Variants in DIAPH3 observed in about 807,000 individuals in gnomAD.
The protein encoded by DIAPH3 is diaphanous related formin 3.
Under a neutral mutation model 144.3 loss-of-function variants are expected in DIAPH3, and 117 were observed. That is an observed-to-expected ratio of 0.81 (90% CI 0.70 to 0.95). The LOEUF (loss-of-function observed/expected upper bound fraction) is 0.95. Ranked by LOEUF, DIAPH3 falls within the 40% of genes least tolerant of loss-of-function variation. DIAPH3 has a pLI of 0.00. For synonymous variants in DIAPH3, 519 were observed against 488.9 expected (o/e 1.06, Z -0.81); for missense variants, 1,421 against 1,412.7 (o/e 1.01, Z -0.09).
chr13:60,136,334 A>G (rs941244043), intron 1 of DIAPH3, among the ~76,000 whole-genome samples: 4 of 152,234 alleles, frequency 2.6e-5, no homozygotes, highest in Non-Finnish European at 4.4e-5. Context: ...GCAAACATCA[A>G]TCCAGTTCAT....
At chr13:60,053,519 T>C (rs992186173) in intron 4 of DIAPH3, among the ~76,000 whole-genome samples, 4 of 152,240 alleles carry the variant, frequency 2.6e-5, no homozygotes, top group Admixed American at 1.3e-4. Context: ...AAAAGTAATA[T>C]ACCCTTTCCC....
At chr13:59,866,778 C>A (rs1440872613) in intron 21 of DIAPH3, among the ~76,000 whole-genome samples, 1 of 151,906 alleles carries the variant, frequency 6.6e-6, no homozygotes, top group East Asian at 1.9e-4. Context: ...AAATCTTTTG[C>A]AGAATAAAGT....
In DIAPH3 at chr13:60,010,606, G is replaced by T. The variant is rs767644682; in HGVS notation, c.835C>A (p.Pro279Thr). 5.0e-6 allele frequency: 8 copies of T among 1,613,544 alleles called. No individual in the cohort carries two copies. The highest frequency in any genetic ancestry group is 6.8e-6 in the Non-Finnish European group (8 of 1,179,788). The change falls in exon 8 of 28, where the codon CCC (proline) becomes ACC (threonine). Residue 279 changes from proline (P) to threonine (T), a missense_variant. Transcript: ENST00000400324. Reference sequence around the variant, plus strand: ...TCTGTCATCATATTGGGGTGTCTGGGATCCACGGCTTTGGCCAATAAGGAA... The same window carrying T: ...TCTGTCATCATATTGGGGTGTCTGGTATCCACGGCTTTGGCCAATAAGGAA... ...SLSLLAKAVD[P>T]RHPNMMTDVV...
At chr13:60,038,459 C>T (rs937398021) in intron 5 of DIAPH3, among the ~76,000 whole-genome samples, 1 of 151,990 alleles carries the variant, frequency 6.6e-6, no homozygotes, top group Non-Finnish European at 1.5e-5. Context: ...CAAGATGTTC[C>T]ACCTGCTTTG....
intron 21 of DIAPH3, among the ~76,000 whole-genome samples, chr13:59,871,867 T>C (rs115130529): frequency 6.6e-6 from 1 of 152,194 alleles, no homozygotes; most frequent in Non-Finnish European, 1.5e-5. Context: ...TTATCACATT[T>C]GTAGGCTTGG....
intron 25 of DIAPH3, among the ~76,000 whole-genome samples, chr13:59,803,123 C>T (rs189827514): frequency 1.6e-3 from 251 of 152,232 alleles, no homozygotes; most frequent in African/African-American, 5.8e-3. Flanking sequence ...AGATGCAATG[C>T]TGTGATTGAG....
intron 2 of DIAPH3, among the ~76,000 whole-genome samples, chr13:60,118,807 A>G (rs190460878): frequency 3.9e-5 from 6 of 152,312 alleles, no homozygotes; most frequent in Admixed American, 1.3e-4. Context: ...AACAGGAAAT[A>G]AAAGTACTAT....
intron 25 of DIAPH3, among the ~76,000 whole-genome samples, chr13:59,793,514 TTTGA>T (rs1315836482): frequency 6.6e-6 from 1 of 152,186 alleles, no homozygotes; most frequent in Non-Finnish European, 1.5e-5. Context: ...TTTAGCAGTA[TTTGA>T]TTGTGTTGAC....
chr13:59,887,723 T>G (rs1352490620), intron 20 of DIAPH3, among the ~76,000 whole-genome samples: 1 of 152,152 alleles, frequency 6.6e-6, no homozygotes, highest in South Asian at 2.1e-4. Context: ...ACAAGTTGGA[T>G]GATAGAAGTA....
chr13:59,756,452 G>GGAAGGAAGGAAGGAAGGAAAGAAA (rs1566266071), intron 27 of DIAPH3, among the ~76,000 whole-genome samples: 1 of 141,900 alleles, frequency 7.0e-6, no homozygotes, highest in Admixed American at 7.1e-5. Context: ...AAAGAAGGAA[G>GGAAGGAAGGAAGGAAGGAAAGAAA]GAAGGAAGGA....
intron 25 of DIAPH3, among the ~76,000 whole-genome samples, chr13:59,775,232 GTTTTTGT>G (rs372541871): frequency 0.012 from 1,785 of 152,030 alleles, 54 homozygotes; most frequent in African/African-American, 0.04. Flanking sequence ...GGAGAGAGTA[GTTTTTGT>G]TTTTTGTTTT....
At chr13:59,912,992 T>C (rs962611147) in intron 19 of DIAPH3, among the ~76,000 whole-genome samples, 2 of 152,098 alleles carry the variant, frequency 1.3e-5, no homozygotes, top group Admixed American at 6.5e-5. Context: ...TACTATCAAA[T>C]TGAATAAAAA....
intron 7 of DIAPH3, 44 bp downstream of exon 7, chr13:60,015,867 ATT>A: frequency 6.6e-7 from 1 of 1,511,968 alleles, no homozygotes; most frequent in Non-Finnish European, 9.2e-7. Flanking sequence ...AAAATCATAT[ATT>A]ACAAAATTGG....
At position 59,983,794 on chromosome 13, in the gene DIAPH3, T is replaced by C. The variant is rs759242486; in HGVS notation, c.1455A>G (p.Leu485=). The change falls in exon 13 of 28, where the codon CTA becomes CTG. Residue 485 remains leucine, a synonymous_variant. Coordinates refer to ENST00000400324, the MANE Select transcript of DIAPH3 (RefSeq NM_001042517.2). ...MDPDFTYRKR[L]DLDLTQFVDI... ...CTACAAACTGGGTTAAATCTAAATCTAGTCTTTTTCGATATGTGAAGTCTG... is the reference window on the plus strand; with the variant it reads ...CTACAAACTGGGTTAAATCTAAATCCAGTCTTTTTCGATATGTGAAGTCTG... The C allele has an allele frequency of 6.2e-7, 1 of 1,606,336 alleles. No individual in the cohort carries two copies. The highest frequency in any genetic ancestry group is 8.5e-7 in the Non-Finnish European group (1 of 1,174,128).
At chr13:59,741,703 C>CAAAAAAAAAAAAAA (rs756556231) in intron 27 of DIAPH3, among the ~76,000 whole-genome samples, 4 of 93,764 alleles carry the variant, frequency 4.3e-5, no homozygotes, top group African/African-American at 1.3e-4. Context: ...GGCAACAAAG[C>CAAAAAAAAAAAAAA]AAAAAAAAAA....
intron 27 of DIAPH3, among the ~76,000 whole-genome samples, chr13:59,756,610 A>G (rs2037290845): frequency 2.6e-5 from 4 of 152,060 alleles, no homozygotes; most frequent in Admixed American, 1.3e-4. Flanking sequence ...CTGGAAGAGA[A>G]CTTAATTCAT....
At chr13:59,916,973 T>C (rs2047251691) in intron 18 of DIAPH3, among the ~76,000 whole-genome samples, 1 of 152,192 alleles carries the variant, frequency 6.6e-6, no homozygotes, top group Non-Finnish European at 1.5e-5. Flanking sequence ...TAGAAGGATA[T>C]TTTCACAGCA....
Position 59,869,229 on chromosome 13 carries a change from T to G in DIAPH3, c.2608-7693A>C, listed in dbSNP as rs80233375. ...AGCACTTGGTGCTGTCAGTGTTTAG[T>G]ATTTTAGCAATGCCAGTACATATGC... is the stretch of plus-strand genomic sequence containing the variant. On this transcript the variant is annotated intron_variant, in intron 21 of 27. Transcript: ENST00000400324. 4.6e-3 allele frequency among the ~76,000 whole-genome samples: 699 copies of G among 152,322 alleles called. 4 individuals carry two copies. Among genetic ancestry groups the G allele is most frequent in the African/African-American group, 0.016 (661 of 41,570 alleles).
chr13:60,033,444 C>A (rs1594433482), intron 5 of DIAPH3, among the ~76,000 whole-genome samples: 1 of 152,164 alleles, frequency 6.6e-6, no homozygotes, highest in Non-Finnish European at 1.5e-5. Context: ...GTTCTGCAGG[C>A]TGCACAGGAA....
Sources: allele counts gnomAD v4.1 joint callset (sites outside exome capture counted in the v4.1 genomes callset), GRCh38; gene constraint gnomAD v4.1.1; transcripts MANE v1.5; gene names NCBI Gene and HGNC (gene_info 2026-07-23, HGNC 2026-07-21).